The following PVT1 variants were observed in gnomAD, a reference collection of about 807,000 sequenced individuals.
PVT1 encodes Pvt1 oncogene, also known as CXCR4/PVT1 fusion.
At chr8:127,963,119 T>TC (rs1434719097) in intron 3 of PVT1, among the ~76,000 whole-genome samples, 3 of 152,120 alleles carry the variant, frequency 2.0e-5, no homozygotes, top group Non-Finnish European at 4.4e-5. Flanking sequence ...TTTCTCTTCT[T>TC]CCTAGAAGTG....
chr8:127,814,979 T>G (rs1371941283), intron 2 of PVT1, among the ~76,000 whole-genome samples: 1 of 152,190 alleles, frequency 6.6e-6, no homozygotes, highest in African/African-American at 2.4e-5. Context: ...TTTTTTATTT[T>G]TTTTTGAGAC....
rs544819249 is a variant in PVT1, at chr8:127,795,579, C to T, written n.195-315C>T. The stretch of plus-strand genomic sequence containing the variant: ...TGGTATTAGGTTTTCCAGAGAGAGG[C>T]TGTTAGCCTGTCTCTCGCCCACTCC... On this transcript the variant is annotated intron_variant and non_coding_transcript_variant, in intron 1 of 10. Transcript: ENST00000651587. 7.3e-5 allele frequency among the ~76,000 whole-genome samples: 11 copies of T among 151,708 alleles called. No homozygotes were observed. In the South Asian group the frequency reaches 8.4e-4, roughly 12 times the overall value.
chr8:127,800,443 G>A (rs1814450671), intron 2 of PVT1, among the ~76,000 whole-genome samples: 1 of 152,166 alleles, frequency 6.6e-6, no homozygotes, highest in Admixed American at 6.5e-5. Context: ...GCAGGCAAAA[G>A]CTAACTCCTG....
intron 4 of PVT1, among the ~76,000 whole-genome samples, chr8:128,041,226 C>T (rs892452337): frequency 8.8e-5 from 6 of 68,286 alleles, no homozygotes. Context: ...TGTGTGTGTG[C>T]ATGTGTGTGT....
rs139867307 is a variant in PVT1 at position 128,050,419 on chromosome 8, G to A, written n.913-19741G>A. Among the ~76,000 whole-genome samples the A allele has an allele frequency of 2.4e-4, 36 of 152,284 alleles. No homozygotes were observed. The East Asian group carries it at 4.6e-3, about 20-fold the overall frequency. On this transcript the variant is annotated intron_variant and non_coding_transcript_variant, in intron 4 of 10. Coordinates refer to ENST00000651587, the Ensembl canonical transcript of PVT1. ...CCTCTCAGGGGGCATTAAGTCCACC[G>A]CAACATCACTCCAGCCTGTGAATAA...
intron 3 of PVT1, among the ~76,000 whole-genome samples, chr8:127,968,636 A>C (rs1222755716): frequency 6.6e-6 from 1 of 152,172 alleles, no homozygotes; most frequent in Non-Finnish European, 1.5e-5. Context: ...ACAGTGGGTG[A>C]ATTGTATCCC....
chr8:128,002,829 C>A lies in PVT1; in HGVS notation n.912+13538C>A, dbSNP rs74982989. ...TAACACTTCTGGGGACACAGTTAAA[C>A]CCACAACAGAGTATAAGGAGAAAAT... On this transcript the variant is annotated intron_variant and non_coding_transcript_variant, in intron 4 of 10. Transcript: ENST00000651587. 4.0e-3 allele frequency among the ~76,000 whole-genome samples: 608 copies of A among 152,260 alleles called. 6 individuals carry two copies. Among genetic ancestry groups the A allele is most frequent in the African/African-American group, 0.014 (564 of 41,544 alleles).
chr8:127,973,988 A>T (rs1434533423), intron 3 of PVT1, among the ~76,000 whole-genome samples: 1 of 152,024 alleles, frequency 6.6e-6, no homozygotes, highest in Non-Finnish European at 1.5e-5. Flanking sequence ...CAGAAAAAAA[A>T]AAAAAGAAGA....
intron 3 of PVT1, among the ~76,000 whole-genome samples, chr8:127,957,255 A>G (rs1457311052): frequency 6.6e-6 from 1 of 152,002 alleles, no homozygotes; most frequent in African/African-American, 2.4e-5. Flanking sequence ...CTACAGACTC[A>G]AGTTTCAGGG....
intron 2 of PVT1, among the ~76,000 whole-genome samples, chr8:127,817,489 G>GTATATATATATATATA (rs1490929524): frequency 1.6e-5 from 2 of 124,024 alleles, no homozygotes; most frequent in African/African-American, 6.8e-5. Context: ...GTGTGTGTGT[G>GTATATATATATATATA]TGTATATACA....
At chr8:127,823,927 T>C in intron 2 of PVT1, among the ~76,000 whole-genome samples, 1 of 152,188 alleles carries the variant, frequency 6.6e-6, no homozygotes, top group East Asian at 1.9e-4. Context: ...GTGAGGTGGC[T>C]CACGCCTGTA....
intron 3 of PVT1, among the ~76,000 whole-genome samples, chr8:127,942,043 G>C (rs937963414): frequency 1.3e-5 from 2 of 152,208 alleles, no homozygotes; most frequent in Admixed American, 1.3e-4. Flanking sequence ...CTGAGTCCCA[G>C]GTCCCCAGGC....
chr8:127,870,754 C>T (rs1389964296), intron 2 of PVT1, among the ~76,000 whole-genome samples: 3 of 152,322 alleles, frequency 2.0e-5, no homozygotes, highest in Non-Finnish European at 4.4e-5. Context: ...GATGGCTTAA[C>T]ATTTCTGGGC....
chr8:127,848,670 C>T (rs527673986), intron 2 of PVT1, among the ~76,000 whole-genome samples: 12 of 152,100 alleles, frequency 7.9e-5, no homozygotes, highest in African/African-American at 1.7e-4. Flanking sequence ...GCAACAAGAC[C>T]GAAACTCCGT....
At chr8:127,828,270 A>G (rs1479069347) in intron 2 of PVT1, among the ~76,000 whole-genome samples, 1 of 152,166 alleles carries the variant, frequency 6.6e-6, no homozygotes. Context: ...TGTACAGGTG[A>G]GGGAAACTGA....
intron 2 of PVT1, among the ~76,000 whole-genome samples, chr8:127,828,900 G>A (rs554417044): frequency 7.9e-5 from 12 of 152,210 alleles, no homozygotes; most frequent in Middle Eastern, 3.4e-3. Context: ...TGGATCTTTT[G>A]CTGAGAATGC....
At chr8:128,053,551 AC>A (rs1813725112) in intron 4 of PVT1, among the ~76,000 whole-genome samples, 1 of 152,120 alleles carries the variant, frequency 6.6e-6, no homozygotes, top group Admixed American at 6.6e-5. Flanking sequence ...CCTGATGTCC[AC>A]ACAGGCTCCT....
At chr8:128,037,858 A>T (rs1355924088) in intron 4 of PVT1, among the ~76,000 whole-genome samples, 2 of 152,208 alleles carry the variant, frequency 1.3e-5, no homozygotes, top group Non-Finnish European at 2.9e-5. Context: ...ACCCTTGATG[A>T]AGAACCACTG....
intron 4 of PVT1, among the ~76,000 whole-genome samples, chr8:128,023,272 A>G (rs1817458714): frequency 6.6e-6 from 1 of 152,188 alleles, no homozygotes; most frequent in African/African-American, 2.4e-5. Context: ...AGAAGAAAGA[A>G]TGACACATAG....
Sources: gnomAD v4.1 joint callset for allele counts (sites outside exome capture counted in the v4.1 genomes callset) on GRCh38, gnomAD v4.1.1 for gene constraint, MANE v1.5 for transcripts, NCBI Gene and HGNC (gene_info 2026-07-23, HGNC 2026-07-21) for gene names.